Variants in RUBCN observed in about 807,000 individuals in gnomAD.
The protein encoded by RUBCN is run domain Beclin-1-interacting and cysteine-rich domain-containing protein.
In RUBCN, 74 loss-of-function variants were observed where a neutral mutation model predicts 113.2. The ratio of observed to expected loss-of-function variants is 0.65; its 90% CI spans 0.54 to 0.79. The LOEUF is 0.79. Among genes scored for constraint, RUBCN ranks in the 30% least tolerant of loss-of-function variants. The pLI is 0.00. For missense variants in RUBCN, 1,109 were observed against 1,251.7 expected, an observed-to-expected ratio of 0.89 and a Z score of 1.72; for synonymous variants, 480 against 490.0, an observed-to-expected ratio of 0.98 and a Z score of 0.27.
chr3:197,745,277 G>A (rs1364869389), intron 1 of RUBCN, among the ~76,000 whole-genome samples: 13 of 95,496 alleles, frequency 1.4e-4, no homozygotes, highest in African/African-American at 2.2e-4. Flanking sequence ...AGAGAGAGAT[G>A]CTGTCTCAAA....
intron 16 of RUBCN, among the ~76,000 whole-genome samples, chr3:197,678,257 C>A (rs938507030): frequency 6.6e-6 from 1 of 151,568 alleles, no homozygotes. Context: ...GTCCCACACT[C>A]TGACTGACAA....
In RUBCN at chr3:197,682,461, GCC is replaced by G; in HGVS notation, c.2126+7_2126+8del. The G allele has an allele frequency of 6.2e-7, 1 of 1,614,138 alleles. No individual in the cohort carries two copies. Among genetic ancestry groups the G allele is most frequent in the Non-Finnish European group, 8.5e-7 (1 of 1,180,014 alleles). ...TGTGCTCCAAAGGGCACAGACACTG[GCC>G]ACTCACGTTGGGGCTGGATGAACAT... On this transcript the variant is annotated splice_region_variant and intron_variant, in intron 14 of 19. Coordinates refer to ENST00000296343, the MANE Select transcript of RUBCN (RefSeq NM_014687.4).
At chr3:197,720,669 A>C (rs1276692655) in intron 1 of RUBCN, among the ~76,000 whole-genome samples, 1 of 152,106 alleles carries the variant, frequency 6.6e-6, no homozygotes, top group Non-Finnish European at 1.5e-5. Flanking sequence ...GGCCTCCCAA[A>C]GTGCTGGGAT....
intron 1 of RUBCN, among the ~76,000 whole-genome samples, chr3:197,746,368 T>C (rs1301441073): frequency 6.6e-6 from 1 of 152,176 alleles, no homozygotes; most frequent in African/African-American, 2.4e-5. Flanking sequence ...AGGTGTAATG[T>C]TCTCAGGGGT....
chr3:197,746,072 T>C (rs975401834), intron 1 of RUBCN, among the ~76,000 whole-genome samples: 9 of 151,964 alleles, frequency 5.9e-5, no homozygotes, highest in African/African-American at 2.2e-4. Context: ...GTTGAGAAGG[T>C]TGCCAGATTT....
intron 2 of RUBCN, among the ~76,000 whole-genome samples, chr3:197,707,257 G>A (rs140114511): frequency 0.013 from 2,037 of 152,036 alleles, 37 homozygotes; most frequent in African/African-American, 0.046. Flanking sequence ...GCATGAACCC[G>A]GGAGGCAGAG....
At chr3:197,739,333 G>A (rs1446762698), upstream of RUBCN, among the ~76,000 whole-genome samples, 3 of 150,058 alleles carry the variant, frequency 2.0e-5, no homozygotes, top group Non-Finnish European at 3.0e-5. Context: ...AGGGCTTGCA[G>A]TGAGCCGAGA....
chr3:197,702,886 A>G (rs1359431238), intron 5 of RUBCN, among the ~76,000 whole-genome samples: 1 of 152,134 alleles, frequency 6.6e-6, no homozygotes, highest in East Asian at 1.9e-4. Flanking sequence ...GTGTAACATT[A>G]AGCTATGCCA....
chr3:197,676,345 C>T, intron 18 of RUBCN: 1 of 997,118 alleles, frequency 1.0e-6, no homozygotes, highest in Non-Finnish European at 1.2e-6. Flanking sequence ...TTTTTTTCCA[C>T]TCTTGTCGCT....
intron 2 of RUBCN, among the ~76,000 whole-genome samples, chr3:197,715,290 GAAAAA>G (rs35511002): frequency 9.7e-6 from 1 of 102,820 alleles, no homozygotes; most frequent in South Asian, 3.0e-4. Context: ...ACTCTATCTT[GAAAAA>G]AAAAAAAAAA....
intron 1 of RUBCN, among the ~76,000 whole-genome samples, chr3:197,729,045 C>T (rs910332109): frequency 2.0e-4 from 30 of 150,774 alleles, no homozygotes; most frequent in Non-Finnish European, 3.7e-4. Context: ...GGGCGGATCA[C>T]GAGGTCAGGA....
chr3:197,709,141 T>C (rs1724659885), intron 2 of RUBCN, among the ~76,000 whole-genome samples: 1 of 152,214 alleles, frequency 6.6e-6, no homozygotes, highest in Admixed American at 6.6e-5. Flanking sequence ...AATAAAATGT[T>C]TGAGTTACAT....
intron 2 of RUBCN, among the ~76,000 whole-genome samples, chr3:197,716,166 C>T (rs758433815): frequency 6.6e-6 from 1 of 152,230 alleles, no homozygotes; most frequent in Non-Finnish European, 1.5e-5. Context: ...CTCACCCTGT[C>T]GCTCAGGCTG....
At chr3:197,734,869 T>C (rs1727943813) in intron 1 of RUBCN, among the ~76,000 whole-genome samples, 2 of 152,188 alleles carry the variant, frequency 1.3e-5, no homozygotes, top group African/African-American at 4.8e-5. Flanking sequence ...TTAGCACAAA[T>C]CATTCTCAGA....
rs1720134208 is a variant in RUBCN, at chr3:197,674,672, A to G, written c.*346T>C. 4 of 414,148 alleles carry G rather than the reference A, an allele frequency of 9.7e-6. No individual in the cohort carries two copies. The highest frequency in any genetic ancestry group is 2.1e-5 in the African/African-American group (1 of 47,424). The allele number at this position is 414,148 out of a possible 1,614,324, so 25.7% of individuals were successfully genotyped here. A position where few individuals can be genotyped will look rare whatever the true frequency, so the allele number is the denominator to read the frequency against. On this transcript the variant is annotated 3_prime_UTR_variant, in exon 20 of 20. Coordinates refer to ENST00000296343, the MANE Select transcript of RUBCN (RefSeq NM_014687.4). ...AAATTGGAAATGATACCTGACATGC[A>G]GGTGAAACCTAGAGGAGAAGGCCAC...
At position 197,694,409 on chromosome 3, in the gene RUBCN, G is replaced by A. The variant is rs1258380798; in HGVS notation, c.1650C>T (p.Asn550=). 2 of 1,614,212 alleles carry A rather than the reference G, an allele frequency of 1.2e-6. No homozygotes were observed. Among genetic ancestry groups the A allele is most frequent in the East Asian group, 2.2e-5 (1 of 44,886 alleles). Residue 550 remains asparagine, a synonymous_variant, in exon 10 of 20, where the codon AAC becomes AAT. Coordinates refer to ENST00000296343, the MANE Select transcript of RUBCN (RefSeq NM_014687.4). ...CAGCCTCCTGGTACATGGGGAGCAG[G>A]TTCTTGGTGCGGATTTGCTGGCGCC... ...RLRRQQIRTK[N]LLPMYQEAEH...
chr3:197,710,588 A>C (rs1225571525), intron 2 of RUBCN, among the ~76,000 whole-genome samples: 1 of 150,824 alleles, frequency 6.6e-6, no homozygotes, highest in Non-Finnish European at 1.5e-5. Context: ...TAACGAGTGA[A>C]ACTCCATCTC....
chr3:197,691,140 C>A, intron 11 of RUBCN: 2 of 1,284,378 alleles, frequency 1.6e-6, no homozygotes, highest in Non-Finnish European at 2.0e-6. Flanking sequence ...TTAGATCCTT[C>A]GCTACCATCT....
chr3:197,748,345 A>G (rs1728846964), intron 1 of RUBCN: 1 of 152,144 alleles, frequency 6.6e-6, no homozygotes, highest in Non-Finnish European at 1.5e-5. Flanking sequence ...TGACATGCCA[A>G]ATATTGTTCT....
Sources: allele counts gnomAD v4.1 joint callset (sites outside exome capture counted in the v4.1 genomes callset), GRCh38; gene constraint gnomAD v4.1.1; transcripts MANE v1.5; gene names NCBI Gene and HGNC (gene_info 2026-07-23, HGNC 2026-07-21).